Variants in PEX5L observed in about 807,000 individuals in gnomAD.
The protein encoded by PEX5L is PEX5-related protein.
PEX5L carries 30 observed loss-of-function variants against 84.0 expected under a neutral mutation model. The observed-to-expected ratio is 0.36, with a 90% CI of 0.27 to 0.48. The LOEUF is 0.48. PEX5L is among the 20% of genes least tolerant of loss of function. PEX5L has a pLI of 0.99. For missense variants in PEX5L, 533 were observed against 754.6 expected (o/e 0.71, Z 3.44); for synonymous variants, 270 against 283.1 (o/e 0.95, Z 0.46).
intron 2 of PEX5L, among the ~76,000 whole-genome samples, chr3:179,929,816 C>T (rs1772516719): frequency 6.6e-6 from 1 of 152,178 alleles, no homozygotes; most frequent in African/African-American, 2.4e-5. Context: ...TCCCCACCCA[C>T]GTTTTTTAAA....
intron 2 of PEX5L, among the ~76,000 whole-genome samples, chr3:179,949,662 A>C (rs951051605): frequency 6.6e-6 from 1 of 152,176 alleles, no homozygotes; most frequent in Non-Finnish European, 1.5e-5. Flanking sequence ...TTCTTGCCCC[A>C]GCTGCTGCCT....
intron 2 of PEX5L, among the ~76,000 whole-genome samples, chr3:179,964,313 G>A (rs1395174349): frequency 6.6e-6 from 1 of 152,002 alleles, no homozygotes; most frequent in African/African-American, 2.4e-5. Context: ...TTCCATCCAC[G>A]TTGCTGCAAA....
At chr3:180,013,047 G>A (rs926041602) in intron 1 of PEX5L, among the ~76,000 whole-genome samples, 3 of 152,144 alleles carry the variant, frequency 2.0e-5, no homozygotes, top group African/African-American at 7.2e-5. Flanking sequence ...TGTAGTTTTG[G>A]TAGCAGTATT....
intron 8 of PEX5L, among the ~76,000 whole-genome samples, chr3:179,849,322 C>T (rs1416248040): frequency 1.3e-5 from 2 of 152,078 alleles, no homozygotes; most frequent in Non-Finnish European, 2.9e-5. Context: ...GTTTGAAGTG[C>T]TAATTATATT....
At chr3:180,024,689 TGA>T (rs1048917965) in intron 1 of PEX5L, among the ~76,000 whole-genome samples, 9 of 150,674 alleles carry the variant, frequency 6.0e-5, no homozygotes, top group Non-Finnish European at 8.9e-5. Flanking sequence ...TGTGTGTGTG[TGA>T]GAGAGAGAGA....
chr3:179,925,179 A>G (rs1298032379), intron 2 of PEX5L, among the ~76,000 whole-genome samples: 3 of 152,206 alleles, frequency 2.0e-5, no homozygotes, highest in Non-Finnish European at 4.4e-5. Flanking sequence ...AATTCTGGTC[A>G]TTCTTTAAAC....
chr3:179,889,798 G>A (rs542645521), intron 3 of PEX5L, among the ~76,000 whole-genome samples: 5 of 152,078 alleles, frequency 3.3e-5, no homozygotes, highest in Non-Finnish European at 7.3e-5. Flanking sequence ...ACTATGAGCT[G>A]CCTATGTTTC....
chr3:179,953,019 T>C (rs1328717428), intron 2 of PEX5L, among the ~76,000 whole-genome samples: 1 of 152,136 alleles, frequency 6.6e-6, no homozygotes, highest in East Asian at 1.9e-4. Flanking sequence ...CCCTATTTAA[T>C]AAATGGTGTT....
chr3:179,894,170 T>A (rs185313072), intron 3 of PEX5L, among the ~76,000 whole-genome samples: 4 of 152,234 alleles, frequency 2.6e-5, no homozygotes, highest in African/African-American at 7.2e-5. Flanking sequence ...AGCTTAGAAA[T>A]TTATTCGGTG....
chr3:179,994,050 T>A lies in PEX5L; in HGVS notation c.22-22385A>T, dbSNP rs1218570716. ...ATATTATGAGCCTTCTTCCTGTAAA[T>A]ATGTGTAGTTCCACAATGTCACTTT... On this transcript the variant is annotated intron_variant, in intron 1 of 14. Transcript: ENST00000467460. 3.3e-5 allele frequency among the ~76,000 whole-genome samples: 5 copies of A among 152,336 alleles called. No homozygotes were observed. The East Asian group carries it at 9.6e-4, about 29-fold the overall frequency.
At chr3:179,892,884 T>C (rs546111884) in intron 3 of PEX5L, among the ~76,000 whole-genome samples, 1 of 152,274 alleles carries the variant, frequency 6.6e-6, no homozygotes, top group South Asian at 2.1e-4. Context: ...CTTGGACCAA[T>C]GTGAATGAGA....
intron 1 of PEX5L, among the ~76,000 whole-genome samples, chr3:180,023,498 G>T (rs1265681751): frequency 2.0e-5 from 3 of 152,106 alleles, no homozygotes; most frequent in Non-Finnish European, 2.9e-5. Flanking sequence ...CTCGATGTTA[G>T]CAAAATTTTA....
intron 10 of PEX5L, among the ~76,000 whole-genome samples, chr3:179,814,543 C>T (rs1321772808): frequency 2.0e-5 from 3 of 152,124 alleles, no homozygotes; most frequent in Admixed American, 1.3e-4. Flanking sequence ...ATATACCGGT[C>T]GCTACAATTT....
In PEX5L at chr3:180,023,771, C is replaced by CAGAG. The variant is rs139045124; in HGVS notation, c.21+12804_21+12807dup. 9.6e-4 allele frequency among the ~76,000 whole-genome samples: 99 copies of CAGAG among 102,814 alleles called. 1 individual carries two copies. Among genetic ancestry groups the CAGAG allele is most frequent in the South Asian group, 2.5e-3 (10 of 3,930 alleles). 67.4% of individuals were successfully genotyped at this position (102,814 alleles called of 152,430 possible). A position where few individuals can be genotyped will look rare whatever the true frequency, so the allele number is the denominator to read the frequency against. ...ATCTACACACACACACGCACACACA[C>CAGAG]AGAGAGAGAGAGAGAGAGAGAGAGA... On this transcript the variant is annotated intron_variant, in intron 1 of 14. Transcript: ENST00000467460.
rs1168289704 is a variant in PEX5L, at chr3:179,875,393, T to C, written c.590A>G (p.Lys197Arg). ...TGATCCAGTTCTAGATGAGGATGAT[T>C]TTCTCTCTGCCATTGGATGTCCCTT... ...NTKGHPMAER[K>R]SSSSRTGSKE... The change falls in exon 6 of 15, where the codon AAA becomes AGA. Residue 197 changes from lysine (K) to arginine (R), a missense_variant. Physicochemically the swap from Lys to Arg is conservative, Grantham distance 26 (BLOSUM62 2). Coordinates refer to ENST00000467460, the MANE Select transcript of PEX5L (RefSeq NM_016559.3). 2 of 1,613,400 alleles carry C rather than the reference T, an allele frequency of 1.2e-6. No individual in the cohort carries two copies. The highest frequency in any genetic ancestry group is 2.2e-5 in the South Asian group (2 of 91,072).
intron 1 of PEX5L, among the ~76,000 whole-genome samples, chr3:179,981,541 A>G (rs559349776): frequency 1.2e-4 from 18 of 152,318 alleles, no homozygotes; most frequent in African/African-American, 4.3e-4. Context: ...TTTCAACACC[A>G]GCTTCTCTAG....
chr3:179,923,099 C>T (rs866928422), intron 2 of PEX5L, among the ~76,000 whole-genome samples: 5 of 151,556 alleles, frequency 3.3e-5, no homozygotes, highest in East Asian at 2.0e-4. Flanking sequence ...ACCATCCTGG[C>T]TAACACGGTG....
Position 179,815,522 on chromosome 3 carries a change from T to A in PEX5L, c.1083+339A>T, listed in dbSNP as rs372193481. 4.6e-5 allele frequency among the ~76,000 whole-genome samples: 7 copies of A among 152,182 alleles called. 1 individual carries two copies. The East Asian group carries it at 9.6e-4, about 21-fold the overall frequency. ...ATCGCTTGAACCTGGGAGGCGGAGG[T>A]TGCAGTGAGCAGAGATTGCGCCATT... On this transcript the variant is annotated intron_variant, in intron 10 of 14. Transcript: ENST00000467460.
chr3:179,832,145 G>A (rs1422266569), intron 8 of PEX5L, among the ~76,000 whole-genome samples: 1 of 152,078 alleles, frequency 6.6e-6, no homozygotes, highest in East Asian at 1.9e-4. Context: ...AGTGGAGAAC[G>A]AGAGAATTAG....
Sources: allele counts gnomAD v4.1 joint callset (sites outside exome capture counted in the v4.1 genomes callset), GRCh38; gene constraint gnomAD v4.1.1; transcripts MANE v1.5; gene names NCBI Gene and HGNC (gene_info 2026-07-23, HGNC 2026-07-21).